Variants in METTL15 observed in about 807,000 individuals in gnomAD.
METTL15 encodes 12S rRNA N(4)-cytidine methyltransferase METTL15.
Under a neutral mutation model 38.3 loss-of-function variants are expected in METTL15, and 34 were observed. The observed-to-expected ratio is 0.89, with a 90% CI of 0.68 to 1.18. The LOEUF (loss-of-function observed/expected upper bound fraction) is 1.18, where lower values mean the gene tolerates loss of function less well. Ranked by LOEUF, METTL15 falls within the 50% of genes most tolerant of loss-of-function variation. METTL15 has a pLI of 0.00. For missense variants in METTL15, 438 were observed against 498.4 expected (o/e 0.88, Z 1.15); for synonymous variants, 162 against 170.9 (o/e 0.95, Z 0.41).
chr11:28,325,246 T>C (rs1249604094), intron 6 of METTL15, among the ~76,000 whole-genome samples: 1 of 152,220 alleles, frequency 6.6e-6, no homozygotes, highest in Admixed American at 6.5e-5. Flanking sequence ...TGAAGTTATA[T>C]GCCTTTGCTC....
chr11:28,237,783 T>C (rs1854073586), intron 4 of METTL15, among the ~76,000 whole-genome samples: 1 of 152,184 alleles, frequency 6.6e-6, no homozygotes, highest in Admixed American at 6.5e-5. Context: ...GGGTTTTTGG[T>C]GTGGATGTCC....
chr11:28,255,692 C>T (rs1488283265), intron 4 of METTL15, among the ~76,000 whole-genome samples: 5 of 152,092 alleles, frequency 3.3e-5, no homozygotes, highest in South Asian at 4.1e-4. Flanking sequence ...TTTTCAGCAT[C>T]GATTGAAATC....
chr11:28,520,460 A>C (rs1242569066), intron 6 of METTL15, among the ~76,000 whole-genome samples: 1 of 152,220 alleles, frequency 6.6e-6, no homozygotes, highest in Non-Finnish European at 1.5e-5. Context: ...CAACAAAGGC[A>C]TCTGGAGCCC....
chr11:28,172,166 AT>A (rs200736775), intron 3 of METTL15, among the ~76,000 whole-genome samples: 9 of 151,554 alleles, frequency 5.9e-5, no homozygotes, highest in African/African-American at 1.9e-4. Flanking sequence ...GGAATATGTG[AT>A]TTTTTTTTCT....
chr11:28,282,191 C>T (rs985598571), intron 4 of METTL15, among the ~76,000 whole-genome samples: 4 of 152,124 alleles, frequency 2.6e-5, no homozygotes, highest in Non-Finnish European at 4.4e-5. Flanking sequence ...CATGTATTCA[C>T]CTTTGACAGA....
intron 6 of METTL15, among the ~76,000 whole-genome samples, chr11:28,304,053 G>A (rs2134013339): frequency 6.6e-6 from 1 of 152,222 alleles, no homozygotes; most frequent in African/African-American, 2.4e-5. Flanking sequence ...AATTTAAAGT[G>A]CAAATATTCT....
intron 3 of METTL15, among the ~76,000 whole-genome samples, chr11:28,147,750 G>A (rs967450819): frequency 4.0e-5 from 6 of 151,766 alleles, no homozygotes; most frequent in Non-Finnish European, 5.9e-5. Context: ...GAGATTTTCA[G>A]TGCCTACTAG....
intron 3 of METTL15, among the ~76,000 whole-genome samples, chr11:28,159,212 TAC>T (rs1196724289): frequency 1.3e-5 from 2 of 152,054 alleles, no homozygotes; most frequent in East Asian, 1.9e-4. Context: ...AGAAGGGAGA[TAC>T]AGTGTTGGCT....
At chr11:28,167,279 T>G (rs535485422) in intron 3 of METTL15, among the ~76,000 whole-genome samples, 2 of 152,256 alleles carry the variant, frequency 1.3e-5, no homozygotes, top group South Asian at 4.2e-4. Context: ...AAAAGGAATT[T>G]ATTGAAGTAG....
intron 6 of METTL15, among the ~76,000 whole-genome samples, chr11:28,321,997 G>GA (rs1056267191): frequency 3.3e-5 from 5 of 151,120 alleles, no homozygotes; most frequent in African/African-American, 7.3e-5. Flanking sequence ...ATGTCATTTT[G>GA]AAAAAAAATT....
chr11:28,467,939 T>C (rs916062784), intron 6 of METTL15, among the ~76,000 whole-genome samples: 2 of 152,174 alleles, frequency 1.3e-5, no homozygotes, highest in African/African-American at 4.8e-5. Context: ...CACTTCCCCA[T>C]TCTAAATAAA....
At chr11:28,117,275 A>G (rs376856639) in intron 3 of METTL15, among the ~76,000 whole-genome samples, 62,917 of 124,826 alleles carry the variant, frequency 0.5, 17,136 homozygotes, top group Admixed American at 0.61. Flanking sequence ...ATATATATAT[A>G]TATATATATA....
At position 28,194,848 on chromosome 11, in the gene METTL15, G is replaced by A. The variant is rs533421981; in HGVS notation, c.271-16214G>A. Among the ~76,000 whole-genome samples the A allele has an allele frequency of 9.9e-5, 15 of 150,894 alleles. No individual in the cohort carries two copies. The East Asian group carries it at 2.2e-3, about 22-fold the overall frequency. On this transcript the variant is annotated intron_variant, in intron 3 of 6. Coordinates refer to ENST00000407364, the MANE Select transcript of METTL15 (RefSeq NM_001113528.2). The stretch of plus-strand genomic sequence containing the variant: ...AGGTTTTTTTTTTCAACCCTCACCC[G>A]CCTCCTAACCTCCGTCTTCTGAGTT...
At chr11:28,422,629 A>G (rs1345496577) in intron 5 of METTL15, among the ~76,000 whole-genome samples, 1 of 152,208 alleles carries the variant, frequency 6.6e-6, no homozygotes, top group African/African-American at 2.4e-5. Context: ...ATGCTGTGAA[A>G]ACTGGATATT....
intron 6 of METTL15, among the ~76,000 whole-genome samples, chr11:28,462,855 A>C (rs1851227605): frequency 6.6e-6 from 1 of 152,154 alleles, no homozygotes; most frequent in African/African-American, 2.4e-5. Context: ...AAAATAACAA[A>C]TGTCCATTAC....
intron 5 of METTL15, among the ~76,000 whole-genome samples, chr11:28,406,702 C>A (rs974427507): frequency 2.3e-4 from 35 of 152,076 alleles, no homozygotes; most frequent in African/African-American, 8.4e-4. Context: ...ATTGCCCTGG[C>A]CAGAATTTCT....
At chr11:28,167,788 A>C (rs1303669678) in intron 3 of METTL15, among the ~76,000 whole-genome samples, 1 of 151,714 alleles carries the variant, frequency 6.6e-6, no homozygotes, top group Non-Finnish European at 1.5e-5. Context: ...AAATCCTATA[A>C]TCTTTCTCAG....
intron 4 of METTL15, among the ~76,000 whole-genome samples, chr11:28,238,132 A>G (rs1392829838): frequency 6.6e-6 from 1 of 152,172 alleles, no homozygotes; most frequent in Non-Finnish European, 1.5e-5. Context: ...TGCTCTCTTC[A>G]AAGCTGTCAG....
chr11:28,478,089 T>C (rs1477038328), intron 6 of METTL15, among the ~76,000 whole-genome samples: 3 of 152,210 alleles, frequency 2.0e-5, no homozygotes, highest in African/African-American at 7.2e-5. Flanking sequence ...TAAAACTTTA[T>C]TTTATATTTT....
Sources: gnomAD v4.1 joint callset for allele counts (sites outside exome capture counted in the v4.1 genomes callset) on GRCh38, gnomAD v4.1.1 for gene constraint, MANE v1.5 for transcripts, NCBI Gene and HGNC (gene_info 2026-07-23, HGNC 2026-07-21) for gene names.